The following ANKS1B variants were observed in gnomAD, a reference collection of about 807,000 sequenced individuals.
ANKS1B encodes ankyrin repeat and sterile alpha motif domain-containing protein 1B.
ANKS1B carries 36 observed loss-of-function variants against 148.3 expected under a neutral mutation model. That is an observed-to-expected ratio of 0.24 (90% CI 0.19 to 0.32). ANKS1B has a LOEUF of 0.32. ANKS1B is among the 10% of genes least tolerant of loss of function. The pLI is 1.00. For synonymous variants in ANKS1B, 542 were observed against 560.8 expected, an observed-to-expected ratio of 0.97 and a Z score of 0.47; for missense variants, 1,157 against 1,542.6, an observed-to-expected ratio of 0.75 and a Z score of 4.19.
intron 12 of ANKS1B, among the ~76,000 whole-genome samples, chr12:99,359,310 T>G (rs1039197390): frequency 6.6e-6 from 1 of 152,122 alleles, no homozygotes; most frequent in Non-Finnish European, 1.5e-5. Flanking sequence ...TTCCTACCTT[T>G]CTCTCTTGTT....
At chr12:99,966,634 G>T (rs1272481485) in intron 1 of ANKS1B, among the ~76,000 whole-genome samples, 1 of 152,076 alleles carries the variant, frequency 6.6e-6, no homozygotes, top group African/African-American at 2.4e-5. Flanking sequence ...TTTTGTAAGG[G>T]CCTAGAGAGA....
intron 1 of ANKS1B, among the ~76,000 whole-genome samples, chr12:99,844,124 C>T (rs1474907210): frequency 6.6e-6 from 1 of 151,828 alleles, no homozygotes; most frequent in Non-Finnish European, 1.5e-5. Context: ...GTTTTAAGTT[C>T]CTTTTAGATG....
At chr12:99,835,246 TA>T (rs2084654396) in intron 1 of ANKS1B, among the ~76,000 whole-genome samples, 1 of 48,788 alleles carries the variant, frequency 2.0e-5, no homozygotes, top group African/African-American at 9.0e-5. Context: ...ACCCCATCTC[TA>T]CAAAAAAAAA....
At chr12:99,793,788 A>G (rs149292861) in intron 4 of ANKS1B, among the ~76,000 whole-genome samples, 56 of 152,238 alleles carry the variant, frequency 3.7e-4, no homozygotes, top group African/African-American at 1.3e-3. Flanking sequence ...AATACCCCAC[A>G]AGTACAAACA....
chr12:98,864,999 A>G (rs762605584), intron 17 of ANKS1B, among the ~76,000 whole-genome samples: 2 of 152,022 alleles, frequency 1.3e-5, no homozygotes, highest in Non-Finnish European at 2.9e-5. Flanking sequence ...CGCCTTGTAA[A>G]TCTTCAACAT....
intron 14 of ANKS1B, among the ~76,000 whole-genome samples, chr12:99,159,136 G>A (rs1402189072): frequency 6.6e-6 from 1 of 152,180 alleles, no homozygotes; most frequent in Non-Finnish European, 1.5e-5. Context: ...GCCTGGAAGA[G>A]TGGCTCAACG....
chr12:98,955,552 G>A (rs2099860814), intron 17 of ANKS1B, among the ~76,000 whole-genome samples: 1 of 152,164 alleles, frequency 6.6e-6, no homozygotes, highest in Non-Finnish European at 1.5e-5. Context: ...GACAGGAGAT[G>A]GTGGTGGCTT....
intron 17 of ANKS1B, among the ~76,000 whole-genome samples, chr12:98,937,150 G>A (rs1269271980): frequency 6.6e-6 from 1 of 152,152 alleles, no homozygotes; most frequent in Non-Finnish European, 1.5e-5. Flanking sequence ...TGGTTCATTC[G>A]GGTAGAGGAG....
intron 8 of ANKS1B, among the ~76,000 whole-genome samples, chr12:99,679,869 A>G (rs557925075): frequency 1.3e-5 from 2 of 152,296 alleles, no homozygotes; most frequent in East Asian, 3.9e-4. Context: ...GGATGGAGAG[A>G]ACAGCATGTG....
At chr12:99,427,024 G>C (rs2095268402) in intron 11 of ANKS1B, among the ~76,000 whole-genome samples, 1 of 152,052 alleles carries the variant, frequency 6.6e-6, no homozygotes, top group Non-Finnish European at 1.5e-5. Context: ...ATTCTACTTT[G>C]AAAACATGTT....
intron 17 of ANKS1B, among the ~76,000 whole-genome samples, chr12:99,045,280 AT>A (rs915388018): frequency 6.6e-6 from 1 of 151,888 alleles, no homozygotes; most frequent in Non-Finnish European, 1.5e-5. Flanking sequence ...TAAAAAATTA[AT>A]TTTTTTTGCT....
At chr12:99,428,651 T>A (rs1386680980) in intron 11 of ANKS1B, among the ~76,000 whole-genome samples, 5 of 152,212 alleles carry the variant, frequency 3.3e-5, no homozygotes, top group African/African-American at 1.2e-4. Context: ...CAGACCCACG[T>A]GCATACGTAT....
intron 9 of ANKS1B, among the ~76,000 whole-genome samples, chr12:99,618,456 G>T (rs1010392788): frequency 6.6e-6 from 1 of 152,080 alleles, no homozygotes; most frequent in Non-Finnish European, 1.5e-5. Context: ...CAACTCTGGG[G>T]ACTTTAATTC....
intron 1 of ANKS1B, among the ~76,000 whole-genome samples, chr12:99,886,371 C>A (rs2092821169): frequency 6.6e-6 from 1 of 152,146 alleles, no homozygotes; most frequent in Non-Finnish European, 1.5e-5. Context: ...GTGTCTGAAA[C>A]ACTGGTGAAT....
intron 1 of ANKS1B, among the ~76,000 whole-genome samples, chr12:99,919,515 C>T (rs564058706): frequency 6.6e-6 from 1 of 152,118 alleles, no homozygotes; most frequent in East Asian, 1.9e-4. Context: ...CTTGCATAAA[C>T]AGATTAAAAC....
At chr12:98,916,520 C>T (rs970932607) in intron 17 of ANKS1B, among the ~76,000 whole-genome samples, 1 of 152,192 alleles carries the variant, frequency 6.6e-6, no homozygotes, top group Admixed American at 6.5e-5. Context: ...CATGTTAAGA[C>T]AGTTAACAGA....
intron 14 of ANKS1B, among the ~76,000 whole-genome samples, chr12:99,178,762 A>C (rs1359434068): frequency 1.3e-5 from 2 of 152,212 alleles, no homozygotes; most frequent in African/African-American, 2.4e-5. Flanking sequence ...AAGACCATTC[A>C]TGTAATAAGA....
rs554109250 is a variant in ANKS1B, at chr12:99,737,439, GACAA to G, written c.1128+35479_1128+35482del. On this transcript the variant is annotated intron_variant, in intron 8 of 26. Coordinates refer to ENST00000683438, the MANE Select transcript of ANKS1B (RefSeq NM_001352186.2). ...AAGTGAAATAAGCTAGACATACAAAGACAAACATAATATCACATTTTCTCACTCA... is the reference window on the plus strand; with the variant it reads ...AAGTGAAATAAGCTAGACATACAAAGACATAATATCACATTTTCTCACTCA... 6.6e-5 allele frequency among the ~76,000 whole-genome samples: 10 copies of G among 152,150 alleles called. No homozygotes were observed. The East Asian group carries it at 1.9e-3, about 29-fold the overall frequency.
chr12:99,849,099 A>T (rs2087232518), intron 1 of ANKS1B, among the ~76,000 whole-genome samples: 2 of 152,152 alleles, frequency 1.3e-5, no homozygotes, highest in Admixed American at 6.6e-5. Context: ...TGCTATGCTC[A>T]CTACCTGGAT....
Sources: allele counts gnomAD v4.1 joint callset (sites outside exome capture counted in the v4.1 genomes callset), GRCh38; gene constraint gnomAD v4.1.1; transcripts MANE v1.5; gene names NCBI Gene and HGNC (gene_info 2026-07-23, HGNC 2026-07-21).